CNTN3: variants seen among roughly 807,000 people sequenced by gnomAD.
The protein encoded by CNTN3 is contactin 3, also known as contactin-3.
CNTN3 carries 60 observed loss-of-function variants against 119.1 expected under a neutral mutation model. The observed-to-expected ratio is 0.50, with a 90% CI of 0.41 to 0.62. The LOEUF is 0.62. CNTN3 is among the 20% of genes least tolerant of loss of function. CNTN3 has a pLI of 0.00. For missense variants in CNTN3, 1,101 were observed against 1,242.4 expected (o/e 0.89, Z 1.71); for synonymous variants, 450 against 438.7 (o/e 1.03, Z -0.32).
intron 4 of CNTN3, among the ~76,000 whole-genome samples, chr3:74,474,863 T>C (rs1470955500): frequency 6.6e-6 from 1 of 152,090 alleles, no homozygotes; most frequent in South Asian, 2.1e-4. Context: ...TGAGAGATCT[T>C]AAAAGTGTGT....
At chr3:74,307,743 G>A (rs572670785) in intron 13 of CNTN3, among the ~76,000 whole-genome samples, 8 of 152,068 alleles carry the variant, frequency 5.3e-5, no homozygotes, top group Admixed American at 1.3e-4. Context: ...AATAAACTTC[G>A]GAATTAGGGG....
intron 3 of CNTN3, among the ~76,000 whole-genome samples, chr3:74,495,460 T>C (rs1703044349): frequency 6.6e-6 from 1 of 152,002 alleles, no homozygotes; most frequent in Non-Finnish European, 1.5e-5. Context: ...GTATATAGAA[T>C]TGACAGCATA....
intron 13 of CNTN3, among the ~76,000 whole-genome samples, chr3:74,324,546 A>T (rs1359613576): frequency 2.0e-5 from 3 of 152,188 alleles, no homozygotes; most frequent in Non-Finnish European, 2.9e-5. Flanking sequence ...GTGAAACAAG[A>T]TGAAGTTCAC....
At chr3:74,312,144 A>T (rs1702699291) in intron 13 of CNTN3, among the ~76,000 whole-genome samples, 1 of 152,052 alleles carries the variant, frequency 6.6e-6, no homozygotes, top group Non-Finnish European at 1.5e-5. Flanking sequence ...ACATTAGAAC[A>T]TTCTGTTCTT....
chr3:74,480,499 G>A (rs1702743834), intron 4 of CNTN3, among the ~76,000 whole-genome samples: 3 of 150,010 alleles, frequency 2.0e-5, no homozygotes, highest in Admixed American at 6.7e-5. Context: ...CTTAAAACTG[G>A]AAAAAAAAAT....
intron 13 of CNTN3, among the ~76,000 whole-genome samples, chr3:74,332,772 A>G (rs1357109993): frequency 1.3e-5 from 2 of 152,238 alleles, no homozygotes; most frequent in African/African-American, 2.4e-5. Context: ...AAACATAATT[A>G]TCTTCATTAT....
In CNTN3 at chr3:74,391,557, CTTTTTT is replaced by C. The variant is rs554976641; in HGVS notation, c.455-20164_455-20159del. ...TTAGTATTTTGTACTCCCATAGTTT[CTTTTTT>C]TTTTTTTTTTTTTTTTTTGAGACAG... On this transcript the variant is annotated intron_variant, in intron 5 of 22. Transcript: ENST00000263665. Among the ~76,000 whole-genome samples the C allele has an allele frequency of 5.7e-3, 499 of 87,062 alleles. 5 individuals are homozygous for C. Among genetic ancestry groups the C allele is most frequent in the African/African-American group, 0.022 (476 of 21,444 alleles). The allele number at this position is 87,062 out of a possible 152,430, so 57.1% of individuals were successfully genotyped here. A position where few individuals can be genotyped will look rare whatever the true frequency, so the allele number is the denominator to read the frequency against.
intron 1 of CNTN3, among the ~76,000 whole-genome samples, chr3:74,582,244 A>G (rs1704521632): frequency 6.6e-6 from 1 of 152,086 alleles, no homozygotes; most frequent in South Asian, 2.1e-4. Context: ...GTCTCCACTA[A>G]AAATACAAAA....
At chr3:74,397,817 T>A (rs1705094136) in intron 5 of CNTN3, among the ~76,000 whole-genome samples, 1 of 152,174 alleles carries the variant, frequency 6.6e-6, no homozygotes, top group Non-Finnish European at 1.5e-5. Context: ...AACATCAACA[T>A]TAACAGGAGT....
At chr3:74,538,110 A>T (rs1229716918) in intron 1 of CNTN3, among the ~76,000 whole-genome samples, 2 of 152,114 alleles carry the variant, frequency 1.3e-5, no homozygotes, top group Non-Finnish European at 2.9e-5. Flanking sequence ...CAACAAAAAA[A>T]AAGCTGAGTT....
At chr3:74,582,445 A>G (rs1704527640) in intron 1 of CNTN3, among the ~76,000 whole-genome samples, 1 of 152,002 alleles carries the variant, frequency 6.6e-6, no homozygotes, top group Admixed American at 6.6e-5. Context: ...GACAAGCCAC[A>G]CTCTAGGAAA....
intron 1 of CNTN3, among the ~76,000 whole-genome samples, chr3:74,525,647 A>T (rs1469192395): frequency 6.6e-6 from 1 of 151,960 alleles, no homozygotes; most frequent in African/African-American, 2.4e-5. Context: ...TTCCGTGCTA[A>T]TAGACATTTG....
chr3:74,613,962 A>G (rs1196571278), intron 1 of CNTN3, among the ~76,000 whole-genome samples: 1 of 152,206 alleles, frequency 6.6e-6, no homozygotes, highest in Non-Finnish European at 1.5e-5. Context: ...TAGCTTTCTC[A>G]GACCTGGGAA....
chr3:74,428,928 A>C (rs1220971474), intron 4 of CNTN3, among the ~76,000 whole-genome samples: 1 of 152,182 alleles, frequency 6.6e-6, no homozygotes, highest in Non-Finnish European at 1.5e-5. Context: ...AATTGCCTAC[A>C]GTATTAAGTA....
At chr3:74,595,080 C>CA in intron 1 of CNTN3, among the ~76,000 whole-genome samples, 1 of 151,804 alleles carries the variant, frequency 6.6e-6, no homozygotes, top group Non-Finnish European at 1.5e-5. Flanking sequence ...TGTCTTTTGG[C>CA]TGCATAAATG....
chr3:74,267,402 T>G, intron 20 of CNTN3, 24 bp from the exon 21 acceptor site: 1 of 1,491,934 alleles, frequency 6.7e-7, no homozygotes. Flanking sequence ...ATGAGAAATT[T>G]TAAAACAGAT....
intron 8 of CNTN3, 62 bp from the exon 9 acceptor site, chr3:74,365,764 T>G: frequency 6.6e-7 from 1 of 1,522,530 alleles, no homozygotes; most frequent in South Asian, 1.2e-5. Flanking sequence ...AAAATGTATT[T>G]ATTATTTTAT....
intron 1 of CNTN3, among the ~76,000 whole-genome samples, chr3:74,529,010 T>A (rs1223851850): frequency 1.3e-5 from 2 of 151,922 alleles, no homozygotes; most frequent in African/African-American, 2.4e-5. Flanking sequence ...AATATGGGTA[T>A]TTTTGTCTCC....
intron 11 of CNTN3, among the ~76,000 whole-genome samples, chr3:74,360,446 A>G (rs1395188489): frequency 6.6e-6 from 1 of 152,122 alleles, no homozygotes; most frequent in Non-Finnish European, 1.5e-5. Flanking sequence ...AATTAATTCC[A>G]CTAAGTTTCT....
Sources: gnomAD v4.1 joint callset for allele counts (sites outside exome capture counted in the v4.1 genomes callset) on GRCh38, gnomAD v4.1.1 for gene constraint, MANE v1.5 for transcripts, NCBI Gene and HGNC (gene_info 2026-07-23, HGNC 2026-07-21) for gene names.